WDTC1: variants seen among roughly 807,000 people sequenced by gnomAD.
WDTC1 encodes WD and tetratricopeptide repeats 1.
In WDTC1, 12 loss-of-function variants were observed where a neutral mutation model predicts 76.0. The ratio of observed to expected loss-of-function variants is 0.16; its 90% CI spans 0.10 to 0.26. The LOEUF (loss-of-function observed/expected upper bound fraction) is 0.26. WDTC1 is among the 10% of genes least tolerant of loss of function. The pLI, the probability that WDTC1 is intolerant of heterozygous loss-of-function variation, is 1.00. For synonymous variants in WDTC1, 326 were observed against 350.8 expected, an observed-to-expected ratio of 0.93 and a Z score of 0.79; for missense variants, 511 against 908.8, an observed-to-expected ratio of 0.56 and a Z score of 5.63.
intron 1 of WDTC1, among the ~76,000 whole-genome samples, chr1:27,245,219 C>T (rs887622672): frequency 1.3e-5 from 2 of 151,828 alleles, no homozygotes; most frequent in African/African-American, 4.9e-5. Flanking sequence ...TATTAGCTTT[C>T]TAACTTCCTA....
At chr1:27,265,649 T>TA (rs75154332) in intron 3 of WDTC1, among the ~76,000 whole-genome samples, 55 of 145,324 alleles carry the variant, frequency 3.8e-4, no homozygotes, top group African/African-American at 3.5e-4. Context: ...AGACCCTGTT[T>TA]AAAAAAAAAA....
intron 5 of WDTC1, 74 bp from the exon 6 acceptor site, chr1:27,287,600 A>C: frequency 6.8e-7 from 1 of 1,477,478 alleles, no homozygotes; most frequent in Non-Finnish European, 9.2e-7. Context: ...AAGGGTGCAG[A>C]CATCCAGGCT....
rs369986245 is a variant in WDTC1 at position 27,294,524 on chromosome 1, A to G, written c.768A>G (p.Pro256=). The change falls in exon 9 of 16, where the codon CCA becomes CCG. Residue 256 remains proline, a synonymous_variant. Coordinates refer to ENST00000319394, the MANE Select transcript of WDTC1 (RefSeq NM_001276252.2). ...GGCTATTCCCTGCAGGTCACCTGCCAGTGAAGCTTCCTGACTACAACAACC... is the reference window on the plus strand; with the variant it reads ...GGCTATTCCCTGCAGGTCACCTGCCGGTGAAGCTTCCTGACTACAACAACC... ...AAQYYVAGHL[P]VKLPDYNNRL... 2.2e-5 allele frequency: 36 copies of G among 1,614,068 alleles called. No homozygotes were observed. Among genetic ancestry groups the G allele is most frequent in the Non-Finnish European group, 2.9e-5 (34 of 1,180,014 alleles).
intron 12 of WDTC1, among the ~76,000 whole-genome samples, chr1:27,298,979 G>A (rs889750999): frequency 1.3e-5 from 2 of 152,112 alleles, no homozygotes; most frequent in South Asian, 2.1e-4. Flanking sequence ...GCTGTCCCCC[G>A]GCCTTAGCTA....
chr1:27,280,605 A>C (rs1335775050), intron 3 of WDTC1, among the ~76,000 whole-genome samples: 1 of 152,214 alleles, frequency 6.6e-6, no homozygotes, highest in Non-Finnish European at 1.5e-5. Context: ...TTTTTTAAGA[A>C]GTTAGAGAGA....
intron 12 of WDTC1, among the ~76,000 whole-genome samples, chr1:27,299,471 A>C (rs944489722): frequency 4.6e-5 from 7 of 151,560 alleles, no homozygotes; most frequent in Non-Finnish European, 1.5e-5. Context: ...AGGCTTAGAC[A>C]GGAGATGAAG....
intron 1 of WDTC1, among the ~76,000 whole-genome samples, chr1:27,249,768 G>A (rs551870613): frequency 6.6e-6 from 1 of 152,112 alleles, no homozygotes; most frequent in African/African-American, 2.4e-5. Context: ...GTAGAGACGG[G>A]ATTTTGCTGT....
chr1:27,287,759 C>T lies in WDTC1; in HGVS notation c.377C>T (p.Thr126Ile), dbSNP rs1431982287. The part of the protein sequence containing the change: ...VHVHDLTVKE[T>I]IHMFGDHTNR... ...GTGCACGACCTGACAGTAAAGGAGA[C>T]CATCCACATGTTTGGAGACCACACA... The change falls in exon 6 of 16, where the codon ACC becomes ATC. Residue 126 changes from threonine to isoleucine, a missense_variant. Coordinates refer to ENST00000319394, the MANE Select transcript of WDTC1 (RefSeq NM_001276252.2). The T allele has an allele frequency of 2.5e-6, 4 of 1,613,986 alleles. No individual in the cohort carries two copies. The highest frequency in any genetic ancestry group is 3.4e-6 in the Non-Finnish European group (4 of 1,180,020).
intron 1 of WDTC1, among the ~76,000 whole-genome samples, chr1:27,239,838 C>A (rs1429313691): frequency 6.7e-6 from 1 of 150,198 alleles, no homozygotes; most frequent in African/African-American, 2.4e-5. Flanking sequence ...CAAAAAAACC[C>A]AAAAAAACTA....
chr1:27,263,519 T>G (rs1045363203), intron 3 of WDTC1, among the ~76,000 whole-genome samples: 1 of 152,198 alleles, frequency 6.6e-6, no homozygotes, highest in African/African-American at 2.4e-5. Flanking sequence ...CTGCAAGCTC[T>G]GCCTCCCGGG....
chr1:27,276,692 C>T (rs1340980568), intron 3 of WDTC1, among the ~76,000 whole-genome samples: 2 of 142,428 alleles, frequency 1.4e-5, no homozygotes, highest in East Asian at 2.0e-4. Flanking sequence ...GACTTCGTCT[C>T]GAAAAAAAAA....
chr1:27,249,921 C>G (rs1174970444), intron 1 of WDTC1, among the ~76,000 whole-genome samples: 2 of 152,078 alleles, frequency 1.3e-5, no homozygotes, highest in Non-Finnish European at 2.9e-5. Context: ...CATTTCTTCA[C>G]TTTTAACAAC....
intron 1 of WDTC1, among the ~76,000 whole-genome samples, chr1:27,251,032 A>ATTTT (rs1247395121): frequency 3.5e-5 from 2 of 57,698 alleles, no homozygotes; most frequent in Non-Finnish European, 7.3e-5. Context: ...ACTCCTGGCT[A>ATTTT]ATTTTTTTTT....
chr1:27,263,719 G>A (rs1266970283), intron 3 of WDTC1, among the ~76,000 whole-genome samples: 2 of 152,080 alleles, frequency 1.3e-5, no homozygotes, highest in African/African-American at 2.4e-5. Context: ...GTGAGCCACC[G>A]CGCCTGGCCT....
intron 3 of WDTC1, among the ~76,000 whole-genome samples, chr1:27,265,456 G>A (rs867413381): frequency 1.3e-5 from 2 of 152,138 alleles, no homozygotes; most frequent in Admixed American, 6.5e-5. Flanking sequence ...TGCCAGCCTG[G>A]GCAACATAGC....
At chr1:27,295,792 G>T (rs2013667791) in intron 9 of WDTC1, among the ~76,000 whole-genome samples, 1 of 151,446 alleles carries the variant, frequency 6.6e-6, no homozygotes, top group South Asian at 2.1e-4. Context: ...TTGAGGCAGG[G>T]TCTCATTCTG....
At chr1:27,270,002 T>C (rs1289269426) in intron 3 of WDTC1, among the ~76,000 whole-genome samples, 1 of 151,704 alleles carries the variant, frequency 6.6e-6, no homozygotes, top group East Asian at 1.9e-4. Context: ...AGTGATGCGA[T>C]CATGGCTCAC....
chr1:27,274,459 A>G lies in WDTC1; in HGVS notation c.133-7780A>G, dbSNP rs1266954306. On this transcript the variant is annotated intron_variant, in intron 3 of 15. Coordinates refer to ENST00000319394, the MANE Select transcript of WDTC1 (RefSeq NM_001276252.2). The surrounding 1 kb of genome is among the most constrained non-coding windows in gnomAD (Gnocchi z 4.2). ...AACACAGCAAGACCCCATCTCCATA[A>G]AACATTTTTTAAAAGTAAAAGAAAA... Among the ~76,000 whole-genome samples, 1 of 152,216 alleles carries G rather than the reference A, an allele frequency of 6.6e-6. No homozygotes were observed. The highest frequency in any genetic ancestry group is 2.4e-5 in the African/African-American group (1 of 41,456).
chr1:27,263,349 C>T (rs1296832761), intron 3 of WDTC1, 114 bp downstream of exon 3: 9 of 860,072 alleles, frequency 1.0e-5, no homozygotes, highest in African/African-American at 1.7e-5. Context: ...CAGGCCATAT[C>T]TGACAGTTAC....
Sources: gnomAD v4.1 joint callset for allele counts (sites outside exome capture counted in the v4.1 genomes callset) on GRCh38, gnomAD v4.1.1 for gene constraint, Gnocchi (gnomAD v3.1) non-coding constraint, MANE v1.5 for transcripts, NCBI Gene and HGNC (gene_info 2026-07-23, HGNC 2026-07-21) for gene names.